Variants in SEC24D observed in about 807,000 individuals in gnomAD.
SEC24D encodes protein transport protein Sec24D.
A neutral mutation model predicts 116.9 loss-of-function variants in SEC24D; 69 were observed. The ratio of observed to expected loss-of-function variants is 0.59; its 90% CI spans 0.49 to 0.72. The LOEUF (loss-of-function observed/expected upper bound fraction) is 0.72, where lower values mean the gene tolerates loss of function less well. SEC24D is among the 30% of genes least tolerant of loss of function. SEC24D has a pLI of 0.00. For synonymous variants in SEC24D, 405 were observed against 442.8 expected (o/e 0.91, Z 1.07); for missense variants, 1,131 against 1,264.1 (o/e 0.89, Z 1.60).
chr4:118,784,758 A>G (rs1281063167), intron 8 of SEC24D, among the ~76,000 whole-genome samples: 1 of 146,598 alleles, frequency 6.8e-6, no homozygotes, highest in Non-Finnish European at 1.5e-5. Context: ...CCCGCCACCA[A>G]ATACACACAA....
At position 118,833,606 on chromosome 4, in the gene SEC24D, C is replaced by T. The variant is rs756768392; in HGVS notation, c.91G>A (p.Asp31Asn). The change falls in exon 2 of 23, where the codon GAT (aspartate) becomes AAT (asparagine). Residue 31 changes from aspartate to asparagine, a missense_variant. Physicochemically the swap from Asp to Asn is conservative, Grantham distance 23. Coordinates refer to ENST00000280551, the MANE Select transcript of SEC24D (RefSeq NM_014822.4). ...LSPPHYGHYG[D>N]PSHTASPTGM... ...GTTGGAGATGCTGTGTGCGACGGAT[C>T]CCCATAGTGCCCATAATGAGGTGGA... The T allele has an allele frequency of 5.6e-6, 9 of 1,613,602 alleles. No homozygotes were observed. The South Asian group carries it at 6.6e-5, about 12-fold the overall frequency.
intron 19 of SEC24D, among the ~76,000 whole-genome samples, chr4:118,733,596 T>C (rs1198324047): frequency 6.6e-6 from 1 of 152,156 alleles, no homozygotes; most frequent in East Asian, 1.9e-4. Flanking sequence ...ATGCTTGAAG[T>C]TCGCTGGGGA....
intron 8 of SEC24D, among the ~76,000 whole-genome samples, chr4:118,789,174 C>G (rs1209554710): frequency 6.6e-6 from 1 of 152,142 alleles, no homozygotes; most frequent in East Asian, 1.9e-4. Context: ...TTTAATAGCC[C>G]CAGAACCTGT....
chr4:118,817,633 A>G (rs1730210324), intron 3 of SEC24D, among the ~76,000 whole-genome samples: 1 of 150,882 alleles, frequency 6.6e-6, no homozygotes, highest in East Asian at 1.9e-4. Flanking sequence ...GCCAAGACAG[A>G]AAAAAAAAAT....
chr4:118,736,632 T>C (rs1725974604), intron 19 of SEC24D: 4 of 230,638 alleles, frequency 1.7e-5, no homozygotes, highest in South Asian at 1.5e-4. Flanking sequence ...CCAACTATTC[T>C]ATGTTTTCAG....
chr4:118,813,888 C>A (rs1376900074), intron 6 of SEC24D, among the ~76,000 whole-genome samples: 3 of 152,130 alleles, frequency 2.0e-5, no homozygotes, highest in African/African-American at 7.2e-5. Flanking sequence ...TCCAGCTGAC[C>A]CCAGATGCAT....
intron 19 of SEC24D, among the ~76,000 whole-genome samples, chr4:118,734,947 A>G (rs1332375954): frequency 1.3e-5 from 2 of 152,244 alleles, no homozygotes; most frequent in Admixed American, 1.3e-4. Context: ...TCTAGTTACT[A>G]GTTAGCCATT....
intron 8 of SEC24D, among the ~76,000 whole-genome samples, chr4:118,787,023 C>A (rs1728685971): frequency 6.6e-6 from 1 of 152,124 alleles, no homozygotes. Flanking sequence ...TTCAAATGAT[C>A]TTTGCCCTGA....
At chr4:118,751,176 C>CT (rs1185148886) in intron 13 of SEC24D, among the ~76,000 whole-genome samples, 1,014 of 100,292 alleles carry the variant, frequency 0.01, 43 homozygotes, top group East Asian at 0.033. Flanking sequence ...AGAGTGAGGG[C>CT]TTTTTTTTTT....
chr4:118,815,601 G>A lies in SEC24D; in HGVS notation c.523C>T (p.Pro175Ser). 1 of 1,614,186 alleles carries A rather than the reference G, an allele frequency of 6.2e-7. No individual in the cohort carries two copies. The highest frequency in any genetic ancestry group is 8.5e-7 in the Non-Finnish European group (1 of 1,180,030). ...QPGSQVLPPP[P>S]TTLNGPGASP... ...GCACCAGGACCATTGAGTGTGGTGG[G>A]TGGTGGTGGAAGAACTTGAGATCCA... Residue 175 changes from proline to serine, a missense_variant, in exon 5 of 23, where the codon CCC (proline) becomes TCC (serine). Coordinates refer to ENST00000280551, the MANE Select transcript of SEC24D (RefSeq NM_014822.4).
chr4:118,807,317 A>G (rs959390308), intron 6 of SEC24D, among the ~76,000 whole-genome samples: 1 of 152,266 alleles, frequency 6.6e-6, no homozygotes, highest in African/African-American at 2.4e-5. Flanking sequence ...GATGAAGAAC[A>G]TAAGAGATAC....
At chr4:118,815,188 T>C in intron 5 of SEC24D, 33 bp from the exon 6 acceptor site, 6 of 1,612,260 alleles carry the variant, frequency 3.7e-6, no homozygotes, top group South Asian at 1.1e-5. Flanking sequence ...GAAATGACTA[T>C]CATCCCAAAT....
chr4:118,792,301 C>T (rs1728959367), intron 8 of SEC24D, among the ~76,000 whole-genome samples: 2 of 146,898 alleles, frequency 1.4e-5, no homozygotes, highest in African/African-American at 5.1e-5. Context: ...CCAGCTGCCC[C>T]GTCCGGGAGG....
At position 118,723,438 on chromosome 4, in the gene SEC24D, T is replaced by C; in HGVS notation, c.*77A>G. The C allele has an allele frequency of 7.0e-7, 1 of 1,421,658 alleles. No homozygotes were observed. Among genetic ancestry groups the C allele is most frequent in the South Asian group, 1.3e-5 (1 of 76,872 alleles). The allele number at this position is 1,421,658 out of a possible 1,614,324, so 88.1% of individuals were successfully genotyped here. On this transcript the variant is annotated 3_prime_UTR_variant, in exon 23 of 23. Coordinates refer to ENST00000280551, the MANE Select transcript of SEC24D (RefSeq NM_014822.4). The stretch of plus-strand genomic sequence containing the variant: ...TGAGCAAGAAATCAAAACTAGCCTA[T>C]TATCATCTAGAAAATTAGGCACCAA...
intron 13 of SEC24D, among the ~76,000 whole-genome samples, chr4:118,746,963 T>C (rs1343634196): frequency 6.6e-6 from 1 of 152,132 alleles, no homozygotes; most frequent in Non-Finnish European, 1.5e-5. Context: ...GTCTCTGCTA[T>C]GGCCAGTAGT....
intron 7 of SEC24D, among the ~76,000 whole-genome samples, chr4:118,798,106 T>C (rs1389050411): frequency 6.6e-6 from 1 of 152,178 alleles, no homozygotes; most frequent in Non-Finnish European, 1.5e-5. Context: ...AGCCTTACTA[T>C]ATATTTGAGA....
chr4:118,774,950 A>G (rs1413556763), intron 8 of SEC24D, among the ~76,000 whole-genome samples: 1 of 152,148 alleles, frequency 6.6e-6, no homozygotes, highest in Non-Finnish European at 1.5e-5. Flanking sequence ...TCCTGTTACA[A>G]TGGAAGGGGT....
At position 118,738,997 on chromosome 4, in the gene SEC24D, A is replaced by G. The variant is rs11938970; in HGVS notation, c.2377+152T>C. The G allele has an allele frequency of 0.05, 34,429 of 688,010 alleles. 1,147 individuals carry two copies. The highest frequency in any genetic ancestry group is 0.063 in the Non-Finnish European group (25,276 of 404,138). The allele number at this position is 688,010 out of a possible 1,614,324, so 42.6% of individuals were successfully genotyped here. On this transcript the variant is annotated intron_variant, in intron 18 of 22. Transcript: ENST00000280551. ...CCTCACTTATTAATTTAGAGTTAGGAATGCTGACTATTCTCTCTCAGCCTT... is the reference window on the plus strand; with the variant it reads ...CCTCACTTATTAATTTAGAGTTAGGGATGCTGACTATTCTCTCTCAGCCTT...
chr4:118,761,848 G>GT (rs1727394042), intron 10 of SEC24D, among the ~76,000 whole-genome samples: 1 of 152,156 alleles, frequency 6.6e-6, no homozygotes. Flanking sequence ...CTTCCTCTAT[G>GT]AAGCCTTCCC....
Sources: gnomAD v4.1 joint callset for allele counts (sites outside exome capture counted in the v4.1 genomes callset) on GRCh38, gnomAD v4.1.1 for gene constraint, MANE v1.5 for transcripts, NCBI Gene and HGNC (gene_info 2026-07-23, HGNC 2026-07-21) for gene names.